The following PHF20 variants were observed in gnomAD, a reference collection of about 807,000 sequenced individuals.
PHF20 encodes glioma-expressed antigen 2.
In PHF20, 23 loss-of-function variants were observed where a neutral mutation model predicts 113.5. The ratio of observed to expected loss-of-function variants is 0.20; its 90% CI spans 0.15 to 0.29. The LOEUF is 0.29. Ranked by LOEUF, PHF20 falls within the 10% of genes least tolerant of loss-of-function variation. PHF20 has a pLI of 1.00. For synonymous variants in PHF20, 434 were observed against 457.3 expected (o/e 0.95, Z 0.65); for missense variants, 943 against 1,219.6 (o/e 0.77, Z 3.38).
chr20:35,821,388 T>C (rs539199187), intron 2 of PHF20, among the ~76,000 whole-genome samples: 26 of 151,184 alleles, frequency 1.7e-4, no homozygotes, highest in African/African-American at 6.3e-4. Context: ...TGAGCTGAGA[T>C]TGTGCCACTG....
intron 2 of PHF20, among the ~76,000 whole-genome samples, chr20:35,806,906 C>T (rs1163798920): frequency 1.3e-5 from 2 of 151,308 alleles, no homozygotes; most frequent in Non-Finnish European, 2.9e-5. Flanking sequence ...CGCCATTCTC[C>T]TGCCTCAGCC....
chr20:35,838,608 A>C (rs535767700), intron 2 of PHF20, among the ~76,000 whole-genome samples: 1 of 152,298 alleles, frequency 6.6e-6, no homozygotes, highest in East Asian at 1.9e-4. Context: ...ATTCTTTTTG[A>C]AGGCTGTGTG....
At chr20:35,823,666 A>AG in intron 2 of PHF20, among the ~76,000 whole-genome samples, 1 of 151,166 alleles carries the variant, frequency 6.6e-6, no homozygotes, top group East Asian at 1.9e-4. Flanking sequence ...GGGTGAAGAA[A>AG]GAAAAAAAAA....
intron 1 of PHF20, among the ~76,000 whole-genome samples, chr20:35,800,604 C>G (rs1251850050): frequency 6.6e-6 from 1 of 152,078 alleles, no homozygotes; most frequent in African/African-American, 2.4e-5. Flanking sequence ...AACCCAATCT[C>G]TACTCAAAAT....
chr20:35,835,471 A>G (rs1250076451), intron 2 of PHF20, among the ~76,000 whole-genome samples: 1 of 152,208 alleles, frequency 6.6e-6, no homozygotes, highest in Non-Finnish European at 1.5e-5. Context: ...TAATACAAGA[A>G]CACTTGGACA....
At chr20:35,876,463 C>T (rs6058341) in intron 9 of PHF20, among the ~76,000 whole-genome samples, 27,916 of 151,322 alleles carry the variant, frequency 0.18, 2,855 homozygotes, top group South Asian at 0.35. Context: ...CCTAGCTACT[C>T]GGGAGGCTGA....
intron 1 of PHF20, among the ~76,000 whole-genome samples, chr20:35,791,210 A>G (rs886663162): frequency 2.0e-5 from 3 of 152,006 alleles, no homozygotes; most frequent in African/African-American, 7.3e-5. Flanking sequence ...TAGAAATATC[A>G]CTGTAGCAGC....
Position 35,881,048 on chromosome 20 carries a change from C to CTTTTTTTTTTT in PHF20, c.1282+9231_1282+9241dup, listed in dbSNP as rs773060725. 5.9e-4 allele frequency among the ~76,000 whole-genome samples: 65 copies of CTTTTTTTTTTT among 109,748 alleles called. 3 individuals carry two copies. The highest frequency in any genetic ancestry group is 9.5e-4 in the African/African-American group (24 of 25,340). 72.0% of individuals were successfully genotyped at this position (109,748 alleles called of 152,430 possible). ...GTTCCAGACCTTTATCTCTAAATAC[C>CTTTTTTTTTTT]TTTTTTTTTTTTTTTTTTTTTTCTG... On this transcript the variant is annotated intron_variant, in intron 9 of 17. Coordinates refer to ENST00000374012, the MANE Select transcript of PHF20 (RefSeq NM_016436.5).
intron 2 of PHF20, among the ~76,000 whole-genome samples, chr20:35,837,498 C>T (rs1346366299): frequency 3.3e-5 from 5 of 152,212 alleles, no homozygotes; most frequent in Non-Finnish European, 7.3e-5. Context: ...TCTGCCTGTA[C>T]AAATTCCATT....
In PHF20 at chr20:35,931,245, G is replaced by A. The variant is rs560828293; in HGVS notation, c.2105-4G>A. On this transcript the variant is annotated splice_polypyrimidine_tract_variant and splice_region_variant and intron_variant, in intron 14 of 17. Coordinates refer to ENST00000374012, the MANE Select transcript of PHF20 (RefSeq NM_016436.5). ...TTTTAACCCTCTTGTTGTCACTGCTGTAGGTCAGAGGCCTGGCTTCAAGTA... is the reference window on the plus strand; with the variant it reads ...TTTTAACCCTCTTGTTGTCACTGCTATAGGTCAGAGGCCTGGCTTCAAGTA... The A allele has an allele frequency of 1.2e-6, 2 of 1,605,796 alleles. No homozygotes were observed. Among genetic ancestry groups the A allele is most frequent in the African/African-American group, 1.3e-5 (1 of 74,938 alleles).
At chr20:35,941,376 G>T (rs1050911549) in intron 17 of PHF20, among the ~76,000 whole-genome samples, 2 of 152,210 alleles carry the variant, frequency 1.3e-5, no homozygotes, top group Admixed American at 1.3e-4. Context: ...AGTTCTGTGA[G>T]AAATTAAAAT....
chr20:35,797,221 G>T (rs1420431839), intron 1 of PHF20, among the ~76,000 whole-genome samples: 1 of 149,368 alleles, frequency 6.7e-6, no homozygotes, highest in Non-Finnish European at 1.5e-5. Context: ...AACCTTAAAA[G>T]AAAAAAATGG....
rs566960589 is a variant in PHF20, at chr20:35,889,009, CTTTTTTTTTTTTTT to C, written c.1283-10349_1283-10336del. Among the ~76,000 whole-genome samples the C allele has an allele frequency of 2.7e-4, 27 of 99,216 alleles. 1 individual carries two copies. Among genetic ancestry groups the C allele is most frequent in the South Asian group, 1.2e-3 (4 of 3,464 alleles). 65.1% of individuals were successfully genotyped at this position (99,216 alleles called of 152,430 possible). ...TGACAACCAGTGGCCCTCTTAGTTT[CTTTTTTTTTTTTTT>C]TTTTTTTTTTTGAAATGGAGTCTCG... On this transcript the variant is annotated intron_variant, in intron 9 of 17. Coordinates refer to ENST00000374012, the MANE Select transcript of PHF20 (RefSeq NM_016436.5).
chr20:35,864,693 G>A (rs1472248145), intron 6 of PHF20, among the ~76,000 whole-genome samples: 3 of 151,986 alleles, frequency 2.0e-5, no homozygotes, highest in African/African-American at 7.3e-5. Flanking sequence ...CTTGTAACTG[G>A]GTTTTGCCCT....
intron 2 of PHF20, among the ~76,000 whole-genome samples, chr20:35,827,679 A>G (rs1438572161): frequency 6.6e-6 from 1 of 150,426 alleles, no homozygotes; most frequent in Non-Finnish European, 1.5e-5. Context: ...GCTACTCGGG[A>G]GGCTGAGGCA....
At chr20:35,890,775 C>G (rs1016144479) in intron 9 of PHF20, among the ~76,000 whole-genome samples, 12 of 152,082 alleles carry the variant, frequency 7.9e-5, no homozygotes, top group Admixed American at 6.6e-4. Context: ...CCTAGCTACT[C>G]GGGAGGCTGA....
chr20:35,805,784 T>C (rs2146873469), intron 2 of PHF20, among the ~76,000 whole-genome samples: 1 of 152,218 alleles, frequency 6.6e-6, no homozygotes, highest in South Asian at 2.1e-4. Context: ...CTGATCTATA[T>C]AAATTTAACT....
chr20:35,815,892 C>A (rs920074140), intron 2 of PHF20, among the ~76,000 whole-genome samples: 4 of 152,132 alleles, frequency 2.6e-5, no homozygotes, highest in Non-Finnish European at 2.9e-5. Context: ...CAAGCAAAAT[C>A]GTTTTGGAAA....
intron 4 of PHF20, among the ~76,000 whole-genome samples, chr20:35,856,020 C>T (rs1187940534): frequency 6.6e-6 from 1 of 152,044 alleles, no homozygotes; most frequent in African/African-American, 2.4e-5. Context: ...CTATAGTCAC[C>T]CTGTTGTGCT....
Sources: gnomAD v4.1 joint callset for allele counts (sites outside exome capture counted in the v4.1 genomes callset) on GRCh38, gnomAD v4.1.1 for gene constraint, MANE v1.5 for transcripts, NCBI Gene and HGNC (gene_info 2026-07-23, HGNC 2026-07-21) for gene names.